PRKCZ: variants seen among roughly 807,000 people sequenced by gnomAD.
The protein encoded by PRKCZ is protein kinase C zeta.
Under a neutral mutation model 79.5 loss-of-function variants are expected in PRKCZ, and 33 were observed. That is an observed-to-expected ratio of 0.41 (90% CI 0.31 to 0.55). The LOEUF is 0.55. Ranked by LOEUF, PRKCZ falls within the 20% of genes least tolerant of loss-of-function variation. The pLI is 0.19. For synonymous variants in PRKCZ, 342 were observed against 320.9 expected, an observed-to-expected ratio of 1.07 and a Z score of -0.70; for missense variants, 578 against 813.5, an observed-to-expected ratio of 0.71 and a Z score of 3.52.
At position 2,102,575 on chromosome 1, in the gene PRKCZ, G is replaced by A. The variant is rs376941879; in HGVS notation, c.335-32687G>A. Among the ~76,000 whole-genome samples the A allele has an allele frequency of 3.1e-3, 478 of 152,114 alleles. 5 individuals are homozygous for A. The highest frequency in any genetic ancestry group is 0.01 in the African/African-American group (426 of 41,482). ...TCTCGATCTCCTGACCTCGTGATCC[G>A]CCCGCCTTGGCCTCCCAAAGTGCTA... On this transcript the variant is annotated intron_variant, in intron 4 of 17. Coordinates refer to ENST00000378567, the MANE Select transcript of PRKCZ (RefSeq NM_002744.6).
At chr1:2,058,806 G>A (rs1463657705) in intron 3 of PRKCZ, among the ~76,000 whole-genome samples, 8 of 152,164 alleles carry the variant, frequency 5.3e-5, no homozygotes, top group Non-Finnish European at 7.3e-5. Context: ...TGAGGCAGGA[G>A]AACTGCTGGA....
rs1212608562 is a variant in PRKCZ at position 2,054,499 on chromosome 1, C to T, written c.72-942C>T. Among the ~76,000 whole-genome samples the T allele has an allele frequency of 3.3e-5, 5 of 152,030 alleles. No homozygotes were observed. In the East Asian group the frequency reaches 9.7e-4, roughly 29 times the overall value. ...GGTGCCTGGGAGTCCGTGAGCTTCC[C>T]CAGCCCCTGGAGTTCAGGTCCTGTC... is the stretch of plus-strand genomic sequence containing the variant. On this transcript the variant is annotated intron_variant, in intron 1 of 17. Transcript: ENST00000378567.
rs955015336 is a variant in PRKCZ, at chr1:2,173,287, A to G, written c.1286-610A>G. 6.6e-5 allele frequency among the ~76,000 whole-genome samples: 10 copies of G among 152,178 alleles called. 1 individual carries two copies. The highest frequency in any genetic ancestry group is 4.6e-4 in the Admixed American group (7 of 15,290). ...GTAGCCAGAGAAGGACAGACAGCAG[A>G]TTGGAGGACTGGAATATAGTCTAGA... On this transcript the variant is annotated intron_variant, in intron 13 of 17. Transcript: ENST00000378567. The surrounding 1 kb of genome is among the most constrained non-coding windows in gnomAD (Gnocchi z 5.7).
In PRKCZ at chr1:2,067,234, G is replaced by C. The variant is rs556888941; in HGVS notation, c.334+7643G>C. 2.0e-5 allele frequency among the ~76,000 whole-genome samples: 3 copies of C among 152,350 alleles called. No individual in the cohort carries two copies. In the East Asian group the frequency reaches 5.8e-4, roughly 29 times the overall value. ...GTCCCGTGTGCGTTGAGGGTGTGCA[G>C]CCGCTGTGGGTACAGCGCTCTGCTG... On this transcript the variant is annotated intron_variant, in intron 4 of 17. Transcript: ENST00000378567.
chr1:2,169,682 G>C, intron 11 of PRKCZ, 78 bp downstream of exon 11: 1 of 1,164,526 alleles, frequency 8.6e-7, no homozygotes, highest in Non-Finnish European at 1.2e-6. Context: ...TGGGGGGCTG[G>C]GTGGGTGCGC....
chr1:2,173,241 G>T lies in PRKCZ; in HGVS notation c.1286-656G>T, dbSNP rs1309429226. On this transcript the variant is annotated intron_variant, in intron 13 of 17. Transcript: ENST00000378567. This position sits in a 1 kb window ranked among gnomAD's most constrained non-coding sequence, Gnocchi z 5.7. ...GCCGCTGGGATAACTGGGCTCCCCA[G>T]CGGCCACAATGGAAGTCTCAGTAGC... 6.6e-6 allele frequency among the ~76,000 whole-genome samples: 1 copy of T among 152,202 alleles called. No homozygotes were observed. The highest frequency in any genetic ancestry group is 1.5e-5 in the Non-Finnish European group (1 of 68,026).
At chr1:2,132,842 C>G (rs1675271439) in intron 4 of PRKCZ, among the ~76,000 whole-genome samples, 1 of 152,228 alleles carries the variant, frequency 6.6e-6, no homozygotes, top group African/African-American at 2.4e-5. Flanking sequence ...CAGCCCCCGC[C>G]TGGACCGCTG....
intron 5 of PRKCZ, chr1:2,142,546 C>T (rs1319095402): frequency 3.9e-5 from 11 of 278,616 alleles, no homozygotes; most frequent in South Asian, 5.9e-5. Flanking sequence ...TAGATTGGCC[C>T]GGAATCAGAG....
At chr1:2,143,113 C>T (rs1343679979) in intron 5 of PRKCZ, 1 of 150,614 alleles carries the variant, frequency 6.6e-6, no homozygotes, top group East Asian at 1.9e-4. Context: ...ACTGCAAGCT[C>T]CGCCTCCGGG....
intron 1 of PRKCZ, among the ~76,000 whole-genome samples, chr1:2,052,198 C>T (rs966428053): frequency 1.5e-4 from 23 of 152,292 alleles, no homozygotes; most frequent in African/African-American, 5.5e-4. Context: ...GGCCCAGACC[C>T]TCCTGCATTC....
At position 2,185,200 on chromosome 1, in the gene PRKCZ, AG is replaced by A; in HGVS notation, c.*193del. 1.4e-6 allele frequency: 1 copy of A among 709,178 alleles called. No individual in the cohort carries two copies. The allele number at this position is 709,178 out of a possible 1,614,324, so 43.9% of individuals were successfully genotyped here. A position where few individuals can be genotyped will look rare whatever the true frequency, so the allele number is the denominator to read the frequency against. ...CAGTCCCTCACACCTGGGCCCGGGC[AG>A]GCCAGCTTCGTGCTGGAGGAACTTG... On this transcript the variant is annotated 3_prime_UTR_variant, in exon 18 of 18. Transcript: ENST00000378567.
rs1674168526 is a variant in PRKCZ, at chr1:2,127,482, G to A, written c.335-7780G>A. Reference sequence around the variant, plus strand: ...CTTCTCACCCTCTGGTCCTGGCTGGGCCCGTCCCGCCCCACGTCCCGCCTC... The same window carrying A: ...CTTCTCACCCTCTGGTCCTGGCTGGACCCGTCCCGCCCCACGTCCCGCCTC... On this transcript the variant is annotated intron_variant, in intron 4 of 17. Transcript: ENST00000378567. The surrounding 1 kb of genome is among the most constrained non-coding windows in gnomAD (Gnocchi z 5.1). 1.3e-5 allele frequency among the ~76,000 whole-genome samples: 2 copies of A among 152,016 alleles called. No homozygotes were observed. The highest frequency in any genetic ancestry group is 2.9e-5 in the Non-Finnish European group (2 of 67,998).
chr1:2,107,424 G>A (rs6676569), intron 4 of PRKCZ, among the ~76,000 whole-genome samples: 2,383 of 152,346 alleles, frequency 0.016, 71 homozygotes, highest in African/African-American at 0.052. Flanking sequence ...TCCCGTGCCC[G>A]TTGGGCTGGG....
chr1:2,065,678 CAAA>C (rs61017134), intron 4 of PRKCZ, among the ~76,000 whole-genome samples: 16 of 56,114 alleles, frequency 2.9e-4, no homozygotes, highest in African/African-American at 8.6e-4. Context: ...GACTCTGTCT[CAAA>C]AAAAAAAAAA....
At chr1:2,118,149 A>G (rs1671125013) in intron 4 of PRKCZ, among the ~76,000 whole-genome samples, 1 of 150,658 alleles carries the variant, frequency 6.6e-6, no homozygotes, top group African/African-American at 2.4e-5. Context: ...GGTGTGTGCC[A>G]CCACGCCTGG....
chr1:2,140,054 T>G (rs1677004613), intron 5 of PRKCZ, among the ~76,000 whole-genome samples: 1 of 152,118 alleles, frequency 6.6e-6, no homozygotes, highest in Admixed American at 6.5e-5. Flanking sequence ...GAAGAGGCTA[T>G]AGAGAGTGAG....
chr1:2,059,605 T>A lies in PRKCZ; in HGVS notation c.334+14T>A. The A allele has an allele frequency of 6.2e-7, 1 of 1,613,882 alleles. No homozygotes were observed. Among genetic ancestry groups the A allele is most frequent in the Non-Finnish European group, 8.5e-7 (1 of 1,179,814 alleles). On this transcript the variant is annotated intron_variant, in intron 4 of 17. Transcript: ENST00000378567. ...CGGGAGAAGACAGTGAGTACTGGGG[T>A]TTCCTACGCCGGTCTCGCATGTTAC...
Position 2,149,212 on chromosome 1 carries a change from G to T in PRKCZ, c.687+288G>T, listed in dbSNP as rs1157246300. On this transcript the variant is annotated intron_variant, in intron 8 of 17. Transcript: ENST00000378567. This position sits in a 1 kb window ranked among gnomAD's most constrained non-coding sequence, Gnocchi z 4.1. Reference sequence around the variant, plus strand: ...TCCTCTCCATTCAGGTGGTACAGTGGCCCAGGGGCTGGCTTTTGAGCTGCA... The same window carrying T: ...TCCTCTCCATTCAGGTGGTACAGTGTCCCAGGGGCTGGCTTTTGAGCTGCA... 6.6e-6 allele frequency among the ~76,000 whole-genome samples: 1 copy of T among 152,262 alleles called. No homozygotes were observed. Among genetic ancestry groups the T allele is most frequent in the Non-Finnish European group, 1.5e-5 (1 of 68,046 alleles).
At chr1:2,089,708 G>A (rs1665154765) in intron 4 of PRKCZ, among the ~76,000 whole-genome samples, 1 of 152,122 alleles carries the variant, frequency 6.6e-6, no homozygotes, top group African/African-American at 2.4e-5. Flanking sequence ...TGAATTCGGT[G>A]GGACGTAAAC....
Sources: allele counts gnomAD v4.1 joint callset (sites outside exome capture counted in the v4.1 genomes callset), GRCh38; gene constraint gnomAD v4.1.1; non-coding constraint Gnocchi (gnomAD v3.1); transcripts MANE v1.5; gene names NCBI Gene and HGNC (gene_info 2026-07-23, HGNC 2026-07-21).